MYO3B: variants seen among roughly 807,000 people sequenced by gnomAD.
The protein encoded by MYO3B is myosin-IIIb.
MYO3B carries 156 observed loss-of-function variants against 174.6 expected under a neutral mutation model. The ratio of observed to expected loss-of-function variants is 0.89; its 90% CI spans 0.78 to 1.02. MYO3B has a LOEUF of 1.02. Among genes scored for constraint, MYO3B ranks in the 50% least tolerant of loss-of-function variants. The pLI is 0.00. For missense variants in MYO3B, 1,632 were observed against 1,639.4 expected, an observed-to-expected ratio of 1.00 and a Z score of 0.08; for synonymous variants, 563 against 569.1, an observed-to-expected ratio of 0.99 and a Z score of 0.15.
intron 3 of MYO3B, among the ~76,000 whole-genome samples, chr2:170,210,387 C>T (rs1039085560): frequency 1.3e-5 from 2 of 152,190 alleles, no homozygotes; most frequent in East Asian, 3.8e-4. Flanking sequence ...TAATCTTTTA[C>T]TAAAAACACA....
At chr2:170,236,516 A>G (rs1352121642) in intron 7 of MYO3B, among the ~76,000 whole-genome samples, 3 of 152,208 alleles carry the variant, frequency 2.0e-5, no homozygotes, top group African/African-American at 7.2e-5. Context: ...ACATATGTAT[A>G]TCATATTGCT....
chr2:170,640,099 G>T (rs567364241), intron 32 of MYO3B, among the ~76,000 whole-genome samples: 1 of 152,178 alleles, frequency 6.6e-6, no homozygotes, highest in Non-Finnish European at 1.5e-5. Context: ...TAAGTCCATG[G>T]TTTTTCCAAC....
chr2:170,585,839 G>T (rs1693469324), intron 32 of MYO3B, among the ~76,000 whole-genome samples: 1 of 152,142 alleles, frequency 6.6e-6, no homozygotes, highest in African/African-American at 2.4e-5. Flanking sequence ...ATCACTTGAG[G>T]CCAGGAGTTC....
At chr2:170,382,188 C>A (rs750286612) in intron 10 of MYO3B, 76 bp downstream of exon 10, 5 of 1,186,150 alleles carry the variant, frequency 4.2e-6, no homozygotes, top group South Asian at 1.3e-5. Flanking sequence ...CTGTTGTAGA[C>A]CATGTCCTCC....
At chr2:170,423,052 G>A (rs2094630303) in intron 22 of MYO3B, among the ~76,000 whole-genome samples, 3 of 132,810 alleles carry the variant, frequency 2.3e-5, no homozygotes, top group African/African-American at 8.7e-5. Context: ...CATGATCTCA[G>A]CTCACTGCAA....
At chr2:170,243,248 A>G (rs1370089652) in intron 7 of MYO3B, among the ~76,000 whole-genome samples, 1 of 152,216 alleles carries the variant, frequency 6.6e-6, no homozygotes, top group Non-Finnish European at 1.5e-5. Context: ...GGGCTTGCTC[A>G]TGCATCTGTG....
At chr2:170,580,758 GTA>G (rs1575195212) in intron 32 of MYO3B, among the ~76,000 whole-genome samples, 1 of 150,566 alleles carries the variant, frequency 6.6e-6, no homozygotes, top group East Asian at 2.0e-4. Context: ...GTGTGTGTGT[GTA>G]TGAAAGCGTA....
chr2:170,643,333 G>C (rs151009528), intron 32 of MYO3B, among the ~76,000 whole-genome samples: 188 of 152,330 alleles, frequency 1.2e-3, no homozygotes, highest in Middle Eastern at 0.01. Flanking sequence ...GACAGGTCAT[G>C]TCTTCAGAAG....
At chr2:170,283,151 G>A (rs1394713236) in intron 7 of MYO3B, among the ~76,000 whole-genome samples, 3 of 152,092 alleles carry the variant, frequency 2.0e-5, no homozygotes, top group African/African-American at 7.2e-5. Flanking sequence ...GTGGGACCCA[G>A]CGTGAGCTCC....
chr2:170,398,361 T>C (rs532628350), intron 16 of MYO3B, among the ~76,000 whole-genome samples: 11 of 152,228 alleles, frequency 7.2e-5, no homozygotes, highest in Admixed American at 4.6e-4. Context: ...AGCACCCATG[T>C]GTTCACCAAC....
At chr2:170,221,350 C>CT in intron 6 of MYO3B, among the ~76,000 whole-genome samples, 1 of 152,102 alleles carries the variant, frequency 6.6e-6, no homozygotes, top group Middle Eastern at 3.4e-3. Flanking sequence ...TGTTTTTTCC[C>CT]TTTTTTATTT....
At chr2:170,647,810 A>G (rs538860552) in intron 32 of MYO3B, 5 of 152,346 alleles carry the variant, frequency 3.3e-5, no homozygotes, top group South Asian at 2.1e-4. Flanking sequence ...GTTGAAAATC[A>G]TATCGTATAT....
intron 18 of MYO3B, 33 bp downstream of exon 18, chr2:170,401,724 G>T: frequency 6.3e-7 from 1 of 1,594,170 alleles, no homozygotes. Flanking sequence ...GGTCTCAGGA[G>T]AGCTGTCATT....
At chr2:170,651,856 T>A (rs1699035040) in intron 33 of MYO3B, 122 bp downstream of exon 33, 1 of 560,022 alleles carries the variant, frequency 1.8e-6, no homozygotes, top group African/African-American at 2.3e-5. Context: ...GTCTTGAACA[T>A]GTGCTTAGGC....
intron 7 of MYO3B, among the ~76,000 whole-genome samples, chr2:170,263,979 G>T (rs1460590822): frequency 1.3e-5 from 2 of 152,176 alleles, no homozygotes; most frequent in Admixed American, 6.5e-5. Flanking sequence ...GATCCCTGTG[G>T]CCTTCCTGTT....
intron 33 of MYO3B, among the ~76,000 whole-genome samples, 155 bp from the exon 34 acceptor site, chr2:170,651,953 T>C (rs919093593): frequency 2.4e-5 from 3 of 125,602 alleles, no homozygotes; most frequent in African/African-American, 9.4e-5. Context: ...GATGCATGCT[T>C]CATCAGGCTC....
intron 7 of MYO3B, among the ~76,000 whole-genome samples, chr2:170,251,095 T>A (rs796476654): frequency 2.4e-4 from 36 of 152,248 alleles, no homozygotes; most frequent in African/African-American, 8.7e-4. Flanking sequence ...GGAACCGCCC[T>A]CTTCTACCCA....
rs74377985 is a variant in MYO3B at position 170,268,262 on chromosome 2, C to T, written c.749+32126C>T. Among the ~76,000 whole-genome samples, 304 of 152,150 alleles carry T rather than the reference C, an allele frequency of 2.0e-3. 1 individual carries two copies. Among genetic ancestry groups the T allele is most frequent in the African/African-American group, 6.8e-3 (284 of 41,528 alleles). Reference sequence around the variant, plus strand: ...GATTTCTGGAGAAAAGGGCAAACTCCACTAAAGTAGGATCCTGTTGACTGT... The same window carrying T: ...GATTTCTGGAGAAAAGGGCAAACTCTACTAAAGTAGGATCCTGTTGACTGT... On this transcript the variant is annotated intron_variant, in intron 7 of 34. Coordinates refer to ENST00000408978, the MANE Select transcript of MYO3B (RefSeq NM_138995.5).
intron 1 of MYO3B, among the ~76,000 whole-genome samples, chr2:170,184,314 A>T (rs980347677): frequency 7.2e-5 from 11 of 151,960 alleles, no homozygotes; most frequent in African/African-American, 2.7e-4. Context: ...TTTTGTACCC[A>T]TTAACCATCC....
Sources: gnomAD v4.1 joint callset for allele counts (sites outside exome capture counted in the v4.1 genomes callset) on GRCh38, gnomAD v4.1.1 for gene constraint, MANE v1.5 for transcripts, NCBI Gene and HGNC (gene_info 2026-07-23, HGNC 2026-07-21) for gene names.